LPIN1: variants seen among roughly 807,000 people sequenced by gnomAD.
The protein encoded by LPIN1 is lipin 1, also known as phosphatidate phosphatase LPIN1.
LPIN1 carries 71 observed loss-of-function variants against 107.5 expected under a neutral mutation model. That is an observed-to-expected ratio of 0.66 (90% CI 0.55 to 0.80). The LOEUF (loss-of-function observed/expected upper bound fraction) is 0.80. Ranked by LOEUF, LPIN1 falls within the 30% of genes least tolerant of loss-of-function variation. The probability of loss-of-function intolerance (pLI) is 0.00; values close to 1 mark genes in which losing one functional copy is unlikely to be tolerated. For synonymous variants in LPIN1, 445 were observed against 452.6 expected (o/e 0.98, Z 0.21); for missense variants, 1,043 against 1,160.6 (o/e 0.90, Z 1.47).
At chr2:11,693,788 GTATA>G (rs869167624) in intron 1 of LPIN1, among the ~76,000 whole-genome samples, 679 of 40,906 alleles carry the variant, frequency 0.017, 18 homozygotes, top group South Asian at 0.035. Context: ...GTGTGAGTGT[GTATA>G]TATATATATA....
At chr2:11,701,913 G>C (rs1252180990) in intron 1 of LPIN1, among the ~76,000 whole-genome samples, 1 of 152,178 alleles carries the variant, frequency 6.6e-6, no homozygotes, top group African/African-American at 2.4e-5. Context: ...AACTCTTCCT[G>C]AACTATTCTG....
intron 2 of LPIN1, chr2:11,713,914 A>T: frequency 1.3e-6 from 1 of 799,804 alleles, no homozygotes; most frequent in South Asian, 1.6e-5. Context: ...GGCTATCTGC[A>T]GTCTCCAAGG....
intron 1 of LPIN1, among the ~76,000 whole-genome samples, chr2:11,688,687 T>C (rs1662130377): frequency 6.6e-6 from 1 of 152,038 alleles, no homozygotes; most frequent in East Asian, 1.9e-4. Flanking sequence ...AAATGGAAAA[T>C]GAGTTAATAC....
intron 1 of LPIN1, among the ~76,000 whole-genome samples, chr2:11,706,018 A>AACGTTGGACAACCCATTTGTAAACTGG (rs1663111006): frequency 6.6e-6 from 1 of 152,140 alleles, no homozygotes; most frequent in African/African-American, 2.4e-5. Context: ...TTTAAAAATG[A>AACGTTGGACAACCCATTTGTAAACTGG]GAGTTTCCCT....
chr2:11,738,659 C>G (rs1288710720), intron 1 of LPIN1, among the ~76,000 whole-genome samples: 1 of 152,186 alleles, frequency 6.6e-6, no homozygotes, highest in Non-Finnish European at 1.5e-5. Flanking sequence ...TCACAAGTGT[C>G]CACCTCAGCA....
At chr2:11,742,545 T>C (rs980873687), upstream of LPIN1, among the ~76,000 whole-genome samples, 2 of 152,202 alleles carry the variant, frequency 1.3e-5, no homozygotes, top group Non-Finnish European at 2.9e-5. Flanking sequence ...CGGGGTCTTT[T>C]TGTTCCTCCT....
At chr2:11,779,392 G>A in intron 6 of LPIN1, 127 bp from the exon 7 acceptor site, 1 of 1,026,228 alleles carries the variant, frequency 9.7e-7, no homozygotes, top group Non-Finnish European at 1.5e-6. Context: ...TTTGTCATGA[G>A]GCTCCGCTCA....
rs997729398 is a variant in LPIN1, at chr2:11,771,733, C to T, written c.596+54C>T. ...TGCCAGAATCAGACAGTTAACTGTT[C>T]AAGATTATTTTTATGAACTTTTCCC... On this transcript the variant is annotated intron_variant, in intron 4 of 20. Transcript: ENST00000674199. This position sits in a 1 kb window ranked among gnomAD's most constrained non-coding sequence, Gnocchi z 4.8. The T allele has an allele frequency of 2.7e-6, 4 of 1,480,262 alleles. No homozygotes were observed. The highest frequency in any genetic ancestry group is 2.5e-5 in the South Asian group (2 of 81,220). 91.7% of individuals were successfully genotyped at this position (1,480,262 alleles called of 1,614,324 possible).
intron 14 of LPIN1, among the ~76,000 whole-genome samples, chr2:11,796,465 C>G (rs11695610): frequency 0.1 from 15,506 of 152,076 alleles, 976 homozygotes; most frequent in Middle Eastern, 0.16. Flanking sequence ...GGGAAATGAC[C>G]TGATTTCTTT....
intron 1 of LPIN1, among the ~76,000 whole-genome samples, chr2:11,757,821 G>T (rs750049583): frequency 6.6e-6 from 1 of 151,930 alleles, no homozygotes; most frequent in African/African-American, 2.4e-5. Context: ...AAAGTTAATT[G>T]TGATAAAATA....
At chr2:11,677,697 G>A (rs1661501117) in exon 1 of LPIN1, 1 of 1,535,624 alleles carries the variant, frequency 6.5e-7, no homozygotes, top group Admixed American at 2.0e-5. Flanking sequence ...ACCTCGCAGG[G>A]CAAGAGCTCC....
rs1314498611 is a variant in LPIN1, at chr2:11,755,127, G to T, written c.-10+8456G>T. 2.0e-5 allele frequency among the ~76,000 whole-genome samples: 3 copies of T among 151,842 alleles called. 1 individual carries two copies. The highest frequency in any genetic ancestry group is 4.4e-5 in the Non-Finnish European group (3 of 67,970). Reference sequence around the variant, plus strand: ...ACTACAGGCGCCCGCCACCATGCCCGGCTAATCTTTTTTGTATTTTTAGCA... The same window carrying T: ...ACTACAGGCGCCCGCCACCATGCCCTGCTAATCTTTTTTGTATTTTTAGCA... On this transcript the variant is annotated intron_variant, in intron 1 of 20. Coordinates refer to ENST00000674199, the MANE Select transcript of LPIN1 (RefSeq NM_001349206.2).
rs1455185435 is a variant in LPIN1, at chr2:11,737,642, TCATCA to T, written c.-71-3705_-71-3701del. On this transcript the variant is annotated intron_variant, in intron 1 of 21. Coordinates refer to the LPIN1 transcript ENST00000396097. ...CAACAAATGTATGAAAAAAAGCTCT[TCATCA>T]CTGATCATTAGAGAAATGCAAATCA... Among the ~76,000 whole-genome samples, 5 of 152,316 alleles carry T rather than the reference TCATCA, an allele frequency of 3.3e-5. No homozygotes were observed. The South Asian group carries it at 6.2e-4, about 19-fold the overall frequency.
At chr2:11,730,556 C>G (rs1174089962) in intron 1 of LPIN1, among the ~76,000 whole-genome samples, 2 of 152,080 alleles carry the variant, frequency 1.3e-5, no homozygotes, top group Non-Finnish European at 2.9e-5. Context: ...TTGCCTTTTT[C>G]TTCACTTTAT....
In LPIN1 at chr2:11,782,284, C is replaced by T; in HGVS notation, c.1041C>T (p.His347=). ...ATAAAAGTCACTTTCAGGCCATTCA[C>T]AGCGAATCTTCAGACACTTTTAGTG... The part of the protein sequence containing the change: ...ICDKSHFQAI[H]SESSDTFSDQ... The change falls in exon 8 of 21, where the codon CAC becomes CAT. Residue 347 remains histidine (H), a synonymous_variant. Transcript: ENST00000674199. 2 of 1,614,208 alleles carry T rather than the reference C, an allele frequency of 1.2e-6. No homozygotes were observed. The highest frequency in any genetic ancestry group is 1.7e-6 in the Non-Finnish European group (2 of 1,180,020).
In LPIN1 at chr2:11,765,206, T is replaced by C. The variant is rs1419887576; in HGVS notation, c.-9-327T>C. The stretch of plus-strand genomic sequence containing the variant: ...CCTGATGGGCTGTGATGGTCCGTGA[T>C]GGGCCATGATGGACACTGATGGGCC... On this transcript the variant is annotated intron_variant, in intron 1 of 20. Transcript: ENST00000674199. This position sits in a 1 kb window ranked among gnomAD's most constrained non-coding sequence, Gnocchi z 4.4. Among the ~76,000 whole-genome samples, 2 of 151,608 alleles carry C rather than the reference T, an allele frequency of 1.3e-5. No individual in the cohort carries two copies. The highest frequency in any genetic ancestry group is 1.9e-4 in the East Asian group (1 of 5,158).
chr2:11,803,144 A>C lies in LPIN1; in HGVS notation c.2013+111A>C. 3 of 1,472,592 alleles carry C rather than the reference A, an allele frequency of 2.0e-6. No individual in the cohort carries two copies. The highest frequency in any genetic ancestry group is 2.8e-6 in the Non-Finnish European group (3 of 1,064,960). 91.2% of individuals were successfully genotyped at this position (1,472,592 alleles called of 1,614,324 possible). The stretch of plus-strand genomic sequence containing the variant: ...CCCGTTACTTGTCACCTTTCATCCC[A>C]GGGGGCCTGCAATCCCTCAACTGGG... On this transcript the variant is annotated intron_variant, in intron 15 of 20. Coordinates refer to ENST00000674199, the MANE Select transcript of LPIN1 (RefSeq NM_001349206.2). The surrounding 1 kb of genome is among the most constrained non-coding windows in gnomAD (Gnocchi z 4.2).
chr2:11,775,826 C>T (rs896833013), intron 5 of LPIN1, among the ~76,000 whole-genome samples: 6 of 147,760 alleles, frequency 4.1e-5, no homozygotes, highest in Admixed American at 6.7e-5. Flanking sequence ...AAATACTTTA[C>T]GTAATATATA....
intron 2 of LPIN1, chr2:11,741,453 T>C: frequency 6.8e-7 from 1 of 1,472,590 alleles, no homozygotes; most frequent in Non-Finnish European, 9.3e-7. Context: ...TCAGTAGTTC[T>C]ATTACTGTTA....
Sources: allele counts gnomAD v4.1 joint callset (sites outside exome capture counted in the v4.1 genomes callset), GRCh38; gene constraint gnomAD v4.1.1; non-coding constraint Gnocchi (gnomAD v3.1); transcripts MANE v1.5; gene names NCBI Gene and HGNC (gene_info 2026-07-23, HGNC 2026-07-21).